Variants in WDPCP observed in about 807,000 individuals in gnomAD.
WDPCP encodes WD repeat-containing and planar cell polarity effector protein fritz homolog.
Under a neutral mutation model 93.1 loss-of-function variants are expected in WDPCP, and 71 were observed. That is an observed-to-expected ratio of 0.76 (90% CI 0.63 to 0.93). The LOEUF is 0.93. Among genes scored for constraint, WDPCP ranks in the 40% least tolerant of loss-of-function variants. The pLI is 0.00. For synonymous variants in WDPCP, 315 were observed against 315.0 expected (o/e 1.00, Z 0.00); for missense variants, 844 against 887.4 (o/e 0.95, Z 0.62).
rs565900876 is a variant in WDPCP at position 63,438,666 on chromosome 2, G to C, written c.499+1091C>G. Reference sequence around the variant, plus strand: ...TGGCATGCTTACAATCCTACCCCCAGCTTATTACTATCAGTAATGTTGCTA... The same window carrying C: ...TGGCATGCTTACAATCCTACCCCCACCTTATTACTATCAGTAATGTTGCTA... On this transcript the variant is annotated intron_variant, in intron 7 of 17. Coordinates refer to ENST00000272321, the MANE Select transcript of WDPCP (RefSeq NM_015910.7). Among the ~76,000 whole-genome samples the C allele has an allele frequency of 3.9e-5, 6 of 152,110 alleles. No individual in the cohort carries two copies. The East Asian group carries it at 1.2e-3, about 29-fold the overall frequency.
At chr2:63,491,038 A>G (rs1028222111) in intron 2 of WDPCP, among the ~76,000 whole-genome samples, 5 of 152,100 alleles carry the variant, frequency 3.3e-5, no homozygotes, top group African/African-American at 9.7e-5. Flanking sequence ...TCACTTTGGG[A>G]TTTCTTTTTT....
At chr2:63,668,586 T>C (rs958083410) in intron 2 of WDPCP, among the ~76,000 whole-genome samples, 3 of 152,244 alleles carry the variant, frequency 2.0e-5, no homozygotes, top group African/African-American at 4.8e-5. Context: ...TATATATTCA[T>C]GGGCAGGACA....
upstream of WDPCP, among the ~76,000 whole-genome samples, chr2:63,830,257 C>T (rs974978189): frequency 1.3e-5 from 2 of 151,990 alleles, no homozygotes; most frequent in Non-Finnish European, 2.9e-5. Context: ...TCCTGAAATA[C>T]CTTTTTATTG....
intron 13 of WDPCP, among the ~76,000 whole-genome samples, chr2:63,284,443 T>C (rs1159166253): frequency 1.3e-5 from 2 of 152,248 alleles, no homozygotes; most frequent in Non-Finnish European, 2.9e-5. Flanking sequence ...GATTTTTTAA[T>C]CTTTCCTTAT....
chr2:63,691,789 TA>T (rs1439945261), intron 2 of WDPCP, among the ~76,000 whole-genome samples: 4 of 151,792 alleles, frequency 2.6e-5, no homozygotes, highest in African/African-American at 9.7e-5. Flanking sequence ...AAAAGGAGAA[TA>T]AAAAAGTTTT....
chr2:63,489,770 A>G (rs1412679628), intron 2 of WDPCP, among the ~76,000 whole-genome samples: 1 of 152,168 alleles, frequency 6.6e-6, no homozygotes, highest in East Asian at 1.9e-4. Flanking sequence ...TTGAGTCCAC[A>G]GAGATAAAAT....
At chr2:63,788,210 A>G (rs1670497118) in intron 2 of WDPCP, among the ~76,000 whole-genome samples, 1 of 152,134 alleles carries the variant, frequency 6.6e-6, no homozygotes, top group African/African-American at 2.4e-5. Flanking sequence ...CACACGTACA[A>G]ACAAGTAGTA....
intron 17 of WDPCP, among the ~76,000 whole-genome samples, chr2:63,122,800 C>T (rs373905926): frequency 6.6e-6 from 1 of 152,060 alleles, no homozygotes; most frequent in Non-Finnish European, 1.5e-5. Flanking sequence ...ACAGCACTTA[C>T]ACTATCATGT....
At chr2:63,229,778 G>C (rs1204271197) in intron 14 of WDPCP, 2 of 151,148 alleles carry the variant, frequency 1.3e-5, no homozygotes, top group African/African-American at 4.9e-5. Flanking sequence ...GCTCTGTTCT[G>C]TTCCATTGGT....
At chr2:63,752,423 G>A (rs1034474398) in intron 2 of WDPCP, 35 of 763,002 alleles carry the variant, frequency 4.6e-5, no homozygotes, top group Middle Eastern at 3.7e-4. Flanking sequence ...CCTTGCATTC[G>A]TGGCTGCATC....
At chr2:63,231,298 C>T (rs182871638) in intron 14 of WDPCP, among the ~76,000 whole-genome samples, 8 of 152,300 alleles carry the variant, frequency 5.3e-5, no homozygotes, top group Non-Finnish European at 1.0e-4. Context: ...CTCACCACTC[C>T]TATTCAACAT....
intron 2 of WDPCP, among the ~76,000 whole-genome samples, chr2:63,673,917 G>C (rs973729912): frequency 6.6e-6 from 1 of 152,204 alleles, no homozygotes; most frequent in African/African-American, 2.4e-5. Flanking sequence ...TCCAGTTCCA[G>C]TTGCTGTGGA....
chr2:63,677,014 AT>A (rs1371621575), intron 2 of WDPCP, among the ~76,000 whole-genome samples: 1 of 152,172 alleles, frequency 6.6e-6, no homozygotes, highest in Non-Finnish European at 1.5e-5. Flanking sequence ...TTTCAAAAAA[AT>A]GTTTTTAAAA....
chr2:63,484,816 C>T, intron 5 of WDPCP, 101 bp downstream of exon 5: 1 of 1,494,454 alleles, frequency 6.7e-7, no homozygotes, highest in South Asian at 1.2e-5. Flanking sequence ...GCAAAGCTAT[C>T]ATCACCATGA....
chr2:63,595,709 ATGTC>A (rs1709297299), intron 3 of WDPCP, among the ~76,000 whole-genome samples: 1 of 152,210 alleles, frequency 6.6e-6, no homozygotes, highest in African/African-American at 2.4e-5. Context: ...GCAACAATCA[ATGTC>A]AGGTAAAGGA....
At chr2:63,657,666 T>C (rs184835644) in intron 2 of WDPCP, among the ~76,000 whole-genome samples, 3 of 152,314 alleles carry the variant, frequency 2.0e-5, no homozygotes, top group Non-Finnish European at 4.4e-5. Flanking sequence ...ATTTGAGATA[T>C]ACTGGCATTT....
chr2:63,501,638 T>C (rs1701559258), intron 1 of WDPCP, among the ~76,000 whole-genome samples: 1 of 152,214 alleles, frequency 6.6e-6, no homozygotes, highest in Non-Finnish European at 1.5e-5. Flanking sequence ...TTTTTGGAGA[T>C]GGAGTTTCAC....
chr2:63,748,393 A>G (rs1669830629), intron 2 of WDPCP, among the ~76,000 whole-genome samples: 1 of 152,020 alleles, frequency 6.6e-6, no homozygotes, highest in Non-Finnish European at 1.5e-5. Context: ...AATTAGACTG[A>G]GGAAGCTCCT....
intron 1 of WDPCP, among the ~76,000 whole-genome samples, chr2:63,582,835 TCAAA>T (rs901677783): frequency 6.6e-6 from 1 of 152,170 alleles, no homozygotes; most frequent in Non-Finnish European, 1.5e-5. Context: ...AAAATATCTT[TCAAA>T]CAAACATTTT....
Sources: allele counts gnomAD v4.1 joint callset (sites outside exome capture counted in the v4.1 genomes callset), GRCh38; gene constraint gnomAD v4.1.1; transcripts MANE v1.5; gene names NCBI Gene and HGNC (gene_info 2026-07-23, HGNC 2026-07-21).